DLG2: variants seen among roughly 807,000 people sequenced by gnomAD.
DLG2 encodes the protein disks large homolog 2.
Under a neutral mutation model 132.5 loss-of-function variants are expected in DLG2, and 45 were observed. That is an observed-to-expected ratio of 0.34 (90% CI 0.27 to 0.44). DLG2 has a LOEUF of 0.44. Ranked by LOEUF, DLG2 falls within the 20% of genes least tolerant of loss-of-function variation. The pLI is 1.00. For synonymous variants in DLG2, 424 were observed against 419.6 expected (o/e 1.01, Z -0.13); for missense variants, 1,045 against 1,196.9 (o/e 0.87, Z 1.87).
intron 11 of DLG2, among the ~76,000 whole-genome samples, chr11:84,017,879 A>G (rs1433452577): frequency 1.3e-5 from 2 of 152,028 alleles, no homozygotes; most frequent in African/African-American, 2.4e-5. Flanking sequence ...AATGCCATTC[A>G]ATTGGCTTCT....
intron 6 of DLG2, among the ~76,000 whole-genome samples, chr11:84,901,779 G>A (rs1308116112): frequency 6.6e-6 from 1 of 151,976 alleles, no homozygotes; most frequent in Admixed American, 6.6e-5. Flanking sequence ...AATCTAGTTT[G>A]ACATCAACAA....
At chr11:83,840,718 CA>C (rs777585471) in intron 16 of DLG2, among the ~76,000 whole-genome samples, 1 of 152,142 alleles carries the variant, frequency 6.6e-6, no homozygotes, top group Non-Finnish European at 1.5e-5. Flanking sequence ...TGGTGCAGGT[CA>C]AACTAAAGAT....
intron 7 of DLG2, among the ~76,000 whole-genome samples, chr11:84,262,721 C>A (rs868261181): frequency 6.6e-6 from 1 of 152,112 alleles, no homozygotes; most frequent in Admixed American, 6.6e-5. Context: ...CTGCAACATT[C>A]TTAGGCCTTT....
At chr11:84,289,944 T>G (rs1372081339) in intron 7 of DLG2, among the ~76,000 whole-genome samples, 1 of 152,118 alleles carries the variant, frequency 6.6e-6, no homozygotes, top group African/African-American at 2.4e-5. Flanking sequence ...AATATAGTAA[T>G]GCATTACATA....
chr11:83,770,350 A>G (rs1476330935), intron 18 of DLG2, among the ~76,000 whole-genome samples: 1 of 150,944 alleles, frequency 6.6e-6, no homozygotes, highest in Non-Finnish European at 1.5e-5. Context: ...TTAATTAAAA[A>G]AAAAAAGAAA....
intron 21 of DLG2, among the ~76,000 whole-genome samples, chr11:83,516,063 C>A (rs1358576601): frequency 6.6e-6 from 1 of 152,160 alleles, no homozygotes; most frequent in Non-Finnish European, 1.5e-5. Context: ...GAGCTGAGTT[C>A]AATTCCTGGA....
rs190498147 is a variant in DLG2 at position 84,590,899 on chromosome 11, C to A, written c.358-56168G>T. ...CACATCTATGAGATCTGGGCCTGTT[C>A]CTAAGAGGTGCAAATTGGGAAGAAA... is the stretch of plus-strand genomic sequence containing the variant. On this transcript the variant is annotated intron_variant, in intron 6 of 27. Coordinates refer to ENST00000376104, the MANE Select transcript of DLG2 (RefSeq NM_001142699.3). 2.0e-5 allele frequency among the ~76,000 whole-genome samples: 3 copies of A among 152,228 alleles called. No individual in the cohort carries two copies. The East Asian group carries it at 5.8e-4, about 29-fold the overall frequency.
At chr11:84,846,717 C>T (rs558055798) in intron 6 of DLG2, among the ~76,000 whole-genome samples, 1 of 152,228 alleles carries the variant, frequency 6.6e-6, no homozygotes, top group South Asian at 2.1e-4. Flanking sequence ...TGGTCTGTGG[C>T]TTATTTTAAC....
intron 5 of DLG2, among the ~76,000 whole-genome samples, chr11:85,115,339 T>C (rs970454755): frequency 6.6e-6 from 1 of 151,990 alleles, no homozygotes; most frequent in Non-Finnish European, 1.5e-5. Context: ...ATTCATCCAT[T>C]CATGTAGTTG....
chr11:85,455,521 C>G (rs890329088), intron 3 of DLG2, among the ~76,000 whole-genome samples: 1 of 152,116 alleles, frequency 6.6e-6, no homozygotes, highest in Non-Finnish European at 1.5e-5. Flanking sequence ...TTATTTCTTT[C>G]TCTTGCCTGA....
At chr11:83,551,415 G>A (rs114668932) in intron 19 of DLG2, among the ~76,000 whole-genome samples, 260 of 152,118 alleles carry the variant, frequency 1.7e-3, no homozygotes, top group African/African-American at 6.0e-3. Flanking sequence ...GATAAAACTC[G>A]TTTTACTCAT....
At chr11:85,379,441 C>T (rs1025532539) in intron 3 of DLG2, among the ~76,000 whole-genome samples, 1 of 152,052 alleles carries the variant, frequency 6.6e-6, no homozygotes. Context: ...CTACATGTTC[C>T]TCAGAAAAAG....
chr11:84,998,763 G>T (rs115754187), intron 6 of DLG2, among the ~76,000 whole-genome samples: 1,659 of 151,674 alleles, frequency 0.011, 30 homozygotes, highest in African/African-American at 0.037. Context: ...TTTGTCTTGT[G>T]CATAGGGTCC....
At chr11:83,685,711 T>C (rs193244826) in intron 18 of DLG2, among the ~76,000 whole-genome samples, 95 of 150,438 alleles carry the variant, frequency 6.3e-4, no homozygotes, top group Non-Finnish European at 1.2e-3. Flanking sequence ...CCAGTCTCAA[T>C]CTGTGCTCTA....
chr11:85,179,842 C>G (rs2079569236), intron 4 of DLG2, among the ~76,000 whole-genome samples: 1 of 151,812 alleles, frequency 6.6e-6, no homozygotes, highest in African/African-American at 2.4e-5. Flanking sequence ...TCTGCAAGTG[C>G]TTTACAAAGA....
intron 7 of DLG2, among the ~76,000 whole-genome samples, chr11:84,440,409 A>C (rs2099013820): frequency 6.6e-6 from 1 of 152,236 alleles, no homozygotes; most frequent in South Asian, 2.1e-4. Flanking sequence ...TAAAATTCTC[A>C]GTAGCAAAAG....
chr11:84,314,145 C>T (rs138439522), intron 7 of DLG2, among the ~76,000 whole-genome samples: 68 of 152,306 alleles, frequency 4.5e-4, no homozygotes, highest in African/African-American at 1.6e-3. Flanking sequence ...CGTAATACTG[C>T]AAATATCTCC....
chr11:85,614,641 C>G (rs930343324), intron 2 of DLG2, among the ~76,000 whole-genome samples: 2 of 152,026 alleles, frequency 1.3e-5, no homozygotes, highest in African/African-American at 4.8e-5. Context: ...ACTCCATCTC[C>G]AAATAAATAA....
intron 7 of DLG2, among the ~76,000 whole-genome samples, chr11:84,362,898 C>T (rs1291105727): frequency 3.3e-5 from 5 of 152,118 alleles, no homozygotes. Context: ...TTTTCTTAAT[C>T]CAATCTATCA....
Sources: allele counts gnomAD v4.1 joint callset (sites outside exome capture counted in the v4.1 genomes callset), GRCh38; gene constraint gnomAD v4.1.1; transcripts MANE v1.5; gene names NCBI Gene and HGNC (gene_info 2026-07-23, HGNC 2026-07-21).